Variants in DOK7 observed in about 807,000 individuals in gnomAD.
The protein encoded by DOK7 is docking protein 7, also known as protein Dok-7.
A neutral mutation model predicts 30.7 loss-of-function variants in DOK7; 32 were observed. That is an observed-to-expected ratio of 1.04 (90% confidence interval 0.79 to 1.40). The LOEUF is 1.40. DOK7 is among the 40% of genes most tolerant of loss of function. The pLI, the probability that DOK7 is intolerant of heterozygous loss-of-function variation, is 0.00. For missense variants in DOK7, 1,007 were observed against 699.2 expected (o/e 1.44, Z -4.97); for synonymous variants, 447 against 324.1 (o/e 1.38, Z -4.07).
At chr4:3,488,752 G>C (rs898258263) in intron 5 of DOK7, among the ~76,000 whole-genome samples, 31 of 152,248 alleles carry the variant, frequency 2.0e-4, no homozygotes, top group Admixed American at 2.0e-3. Context: ...AGGCCACTTG[G>C]AGCAGGACGG....
intron 6 of DOK7, chr4:3,500,211 C>A: frequency 1.3e-6 from 2 of 1,530,928 alleles, no homozygotes; most frequent in Middle Eastern, 3.4e-4. Context: ...CTGTGCCCCT[C>A]TCGGTCCCCA....
rs1162169417 is a variant in DOK7 at position 3,476,444 on chromosome 4, C to A, written c.434C>A (p.Pro145His). The stretch of plus-strand genomic sequence containing the variant: ...GTCCTCGTCTTGGCCAGGGACATCC[C>A]CCCGGCTGTCACGGGGCAGTGGAAG... ...NDVLVLARDI[P>H]PAVTGQWKLS... is the part of the protein sequence containing the mutation. Residue 145 changes from proline to histidine, a missense_variant, in exon 4 of 7, where the codon CCC (proline) becomes CAC (histidine). Transcript: ENST00000340083. The A allele has an allele frequency of 6.2e-7, 1 of 1,613,738 alleles. No homozygotes were observed. The highest frequency in any genetic ancestry group is 8.5e-7 in the Non-Finnish European group (1 of 1,180,018).
intron 3 of DOK7, among the ~76,000 whole-genome samples, chr4:3,474,277 A>C: frequency 6.6e-6 from 1 of 152,210 alleles, no homozygotes; most frequent in Non-Finnish European, 1.5e-5. Context: ...AATCAGTGCC[A>C]AAACCCCATA....
At chr4:3,489,386 G>A (rs1728023802) in intron 5 of DOK7, among the ~76,000 whole-genome samples, 1 of 152,154 alleles carries the variant, frequency 6.6e-6, no homozygotes, top group Non-Finnish European at 1.5e-5. Context: ...TGGTGAGGAA[G>A]ATGAGGAAGG....
At chr4:3,499,047 G>A (rs1288450584), downstream of DOK7, among the ~76,000 whole-genome samples, 4 of 152,210 alleles carry the variant, frequency 2.6e-5, no homozygotes, top group South Asian at 2.1e-4. Context: ...AGGGAGTGAC[G>A]GGGACAAGGG....
intron 2 of DOK7, among the ~76,000 whole-genome samples, chr4:3,471,566 C>T (rs577012088): frequency 1.3e-5 from 2 of 152,388 alleles, no homozygotes; most frequent in Admixed American, 1.3e-4. Flanking sequence ...CCGGCTCAAG[C>T]GGCCCTGGGG....
chr4:3,496,071 A>C (rs1052874483), downstream of DOK7, among the ~76,000 whole-genome samples: 4 of 152,168 alleles, frequency 2.6e-5, no homozygotes, highest in Admixed American at 6.5e-5. Context: ...CGGCTGCCGG[A>C]ACCCATGTGG....
At position 3,480,999 on chromosome 4, in the gene DOK7, C is replaced by A. The variant is rs537622300; in HGVS notation, c.532+4457C>A. Reference sequence around the variant, plus strand: ...GGTGAATAGGAGTTAGCTCAGCTGTCAGAGGGTAAGGGGTGGAGGGGGGTG... The same window carrying A: ...GGTGAATAGGAGTTAGCTCAGCTGTAAGAGGGTAAGGGGTGGAGGGGGGTG... On this transcript the variant is annotated intron_variant, in intron 4 of 6. Transcript: ENST00000340083. 2.0e-5 allele frequency among the ~76,000 whole-genome samples: 3 copies of A among 152,076 alleles called. No homozygotes were observed. In the East Asian group the frequency reaches 5.8e-4, roughly 29 times the overall value.
At chr4:3,486,469 CG>C (rs1248743078) in intron 5 of DOK7, among the ~76,000 whole-genome samples, 9 of 152,234 alleles carry the variant, frequency 5.9e-5, no homozygotes, top group Non-Finnish European at 1.0e-4. Flanking sequence ...CGTGGTGTGG[CG>C]GGGAAGGGTG....
intron 5 of DOK7, 24 bp downstream of exon 5, chr4:3,485,682 CG>C: frequency 6.5e-7 from 1 of 1,529,476 alleles, no homozygotes; most frequent in East Asian, 2.5e-5. Context: ...CCTGGCCGGC[CG>C]GGGAGGGTGC....
In DOK7 at chr4:3,500,720, C is replaced by CAT; in HGVS notation, c.1290_1291insAT (p.Asp431MetfsTer131). 6.5e-7 allele frequency: 1 copy of CAT among 1,534,572 alleles called. No homozygotes were observed. Among genetic ancestry groups the CAT allele is most frequent in the South Asian group, 1.2e-5 (1 of 83,964 alleles). The stretch of plus-strand genomic sequence containing the variant: ...CTGGCGCCTCCCTCTACGCCCAGAT[C>CAT]GACATCATGGCCACCGAGACGGCGC... On this transcript the variant is annotated frameshift_variant, in exon 8 of 8. Transcript: ENST00000643608. LOFTEE classifies it low-confidence loss of function (END_TRUNC).
At chr4:3,468,864 T>G (rs891873241) in intron 2 of DOK7, among the ~76,000 whole-genome samples, 4 of 143,564 alleles carry the variant, frequency 2.8e-5, no homozygotes, top group African/African-American at 1.1e-4. Flanking sequence ...CGTATGAGTG[T>G]GCATGCCTGT....
At chr4:3,488,772 G>C (rs1364670477) in intron 5 of DOK7, among the ~76,000 whole-genome samples, 1 of 151,600 alleles carries the variant, frequency 6.6e-6, no homozygotes, top group Non-Finnish European at 1.5e-5. Flanking sequence ...GGGTCGGTTT[G>C]CTCTTGCGGG....
intron 4 of DOK7, chr4:3,484,918 T>C (rs1727670489): frequency 1.4e-5 from 14 of 979,088 alleles, no homozygotes; most frequent in Non-Finnish European, 1.7e-5. Context: ...TGTGGTCACA[T>C]GGCAGCCTTC....
downstream of DOK7, among the ~76,000 whole-genome samples, chr4:3,499,039 G>A (rs576762352): frequency 2.2e-4 from 33 of 152,346 alleles, no homozygotes; most frequent in African/African-American, 7.9e-4. Flanking sequence ...CCTGCTGCAG[G>A]GAGTGACGGG....
rs764824461 is a variant in DOK7 at position 3,463,421 on chromosome 4, G to A, written c.46G>A (p.Gly16Ser). The change falls in exon 1 of 7, where the codon GGC becomes AGC. Residue 16 changes from glycine to serine, a missense_variant. Physicochemically the swap from Gly to Ser is moderately conservative, Grantham distance 56. Transcript: ENST00000340083. ...GGAGGGCCAGGTCAAGCTGCGGGAC[G>A]GCAAGAAGGTCGGGGCGCGTCGGGG... ...LVEGQVKLRDGKKWKSRWLVL... is the reference protein window; with the variant it reads ...LVEGQVKLRDSKKWKSRWLVL... 1.4e-6 allele frequency: 2 copies of A among 1,455,712 alleles called. No homozygotes were observed. The highest frequency in any genetic ancestry group is 1.8e-6 in the Non-Finnish European group (2 of 1,109,878). The allele number at this position is 1,455,712 out of a possible 1,614,324, so 90.2% of individuals were successfully genotyped here.
intron 4 of DOK7, among the ~76,000 whole-genome samples, chr4:3,484,135 T>C (rs1354076349): frequency 1.3e-5 from 2 of 152,106 alleles, no homozygotes; most frequent in African/African-American, 4.8e-5. Context: ...TGGCGTGCCT[T>C]CTCTGGGCCT....
chr4:3,467,806 GGTGAGGATCCGCGTCCTGGGTGTCTC>G (rs1368872634), intron 2 of DOK7, among the ~76,000 whole-genome samples: 1 of 152,312 alleles, frequency 6.6e-6, no homozygotes, highest in Admixed American at 6.5e-5. Flanking sequence ...CTGGGTGTCT[GGTGAGGATCCGCGTCCTGGGTGTCTC>G]GTGAGGACCA....
At chr4:3,473,026 C>T (rs544628406) in intron 2 of DOK7, among the ~76,000 whole-genome samples, 6 of 152,322 alleles carry the variant, frequency 3.9e-5, no homozygotes, top group South Asian at 2.1e-4. Context: ...CCACAGCCAC[C>T]GGGCAGGCCC....
Sources: gnomAD v4.1 joint callset for allele counts (sites outside exome capture counted in the v4.1 genomes callset) on GRCh38, gnomAD v4.1.1 for gene constraint, MANE v1.5 for transcripts, NCBI Gene and HGNC (gene_info 2026-07-23, HGNC 2026-07-21) for gene names.